GRID2: variants seen among roughly 807,000 people sequenced by gnomAD.
GRID2 encodes the protein glutamate receptor ionotropic, delta-2.
A neutral mutation model predicts 114.8 loss-of-function variants in GRID2; 33 were observed. That is an observed-to-expected ratio of 0.29 (90% CI 0.22 to 0.38). GRID2 has a LOEUF of 0.38. Ranked by LOEUF, GRID2 falls within the 10% of genes least tolerant of loss-of-function variation. The pLI, the probability that GRID2 is intolerant of heterozygous loss-of-function variation, is 1.00. For missense variants in GRID2, 1,184 were observed against 1,257.7 expected (o/e 0.94, Z 0.89); for synonymous variants, 505 against 449.9 (o/e 1.12, Z -1.55).
chr4:92,922,003 A>C (rs955169852), intron 2 of GRID2, among the ~76,000 whole-genome samples: 3 of 152,152 alleles, frequency 2.0e-5, no homozygotes, highest in African/African-American at 7.2e-5. Context: ...ACCCAGTTCA[A>C]GCTTCCTGGC....
chr4:93,027,131 T>A (rs1467609598), intron 2 of GRID2, among the ~76,000 whole-genome samples: 2 of 152,054 alleles, frequency 1.3e-5, no homozygotes, highest in Non-Finnish European at 2.9e-5. Context: ...TTTTGAACTA[T>A]ATGTGTGGAA....
intron 13 of GRID2, among the ~76,000 whole-genome samples, chr4:93,567,385 CA>C (rs1265736819): frequency 6.6e-6 from 1 of 152,112 alleles, no homozygotes; most frequent in African/African-American, 2.4e-5. Context: ...AACACTCGTA[CA>C]AATCAAAGCA....
chr4:93,211,963 A>C (rs1470449706), intron 5 of GRID2, among the ~76,000 whole-genome samples: 1 of 67,180 alleles, frequency 1.5e-5, no homozygotes, highest in Non-Finnish European at 2.4e-5. Context: ...TGCCTCAGAA[A>C]ATGACTTACA....
chr4:92,890,207 C>T (rs907427240), intron 2 of GRID2, among the ~76,000 whole-genome samples: 1 of 152,050 alleles, frequency 6.6e-6, no homozygotes, highest in African/African-American at 2.4e-5. Flanking sequence ...TAGGTGTGGG[C>T]AAAGATTTCA....
intron 2 of GRID2, among the ~76,000 whole-genome samples, chr4:92,729,569 G>A (rs374812857): frequency 1.3e-5 from 2 of 151,922 alleles, no homozygotes; most frequent in East Asian, 3.9e-4. Flanking sequence ...ACTGTTTAAT[G>A]CGCTAAAGCG....
chr4:92,781,152 A>C (rs1387911809), intron 2 of GRID2, among the ~76,000 whole-genome samples: 1 of 152,078 alleles, frequency 6.6e-6, no homozygotes, highest in Non-Finnish European at 1.5e-5. Flanking sequence ...AGGCTGAGGC[A>C]GAAGAATCGC....
intron 1 of GRID2, among the ~76,000 whole-genome samples, chr4:92,438,304 G>C (rs1047673860): frequency 2.6e-5 from 4 of 151,968 alleles, no homozygotes; most frequent in African/African-American, 9.7e-5. Flanking sequence ...GGGACAGTAT[G>C]ATGTATTTGT....
chr4:93,616,672 G>A (rs936328922), intron 13 of GRID2, among the ~76,000 whole-genome samples: 1 of 150,062 alleles, frequency 6.7e-6, no homozygotes, highest in Non-Finnish European at 1.5e-5. Flanking sequence ...ATTTACACTT[G>A]CAATGTCTAT....
intron 2 of GRID2, among the ~76,000 whole-genome samples, chr4:93,071,122 ACT>A (rs1728770953): frequency 1.3e-5 from 2 of 151,930 alleles, no homozygotes; most frequent in South Asian, 2.1e-4. Flanking sequence ...GATTCTTTCC[ACT>A]CTCTTCCTCA....
chr4:93,335,943 T>C (rs536440779), intron 8 of GRID2, among the ~76,000 whole-genome samples: 1 of 152,296 alleles, frequency 6.6e-6, no homozygotes, highest in Non-Finnish European at 1.5e-5. Context: ...CACATTGGCC[T>C]CCCAAAGTGC....
intron 3 of GRID2, among the ~76,000 whole-genome samples, chr4:93,089,674 A>G (rs1730612031): frequency 6.6e-6 from 1 of 152,114 alleles, no homozygotes; most frequent in Non-Finnish European, 1.5e-5. Flanking sequence ...TAGTCCCGGG[A>G]TATCTTACAG....
intron 8 of GRID2, among the ~76,000 whole-genome samples, chr4:93,381,777 G>C (rs557692710): frequency 3.9e-5 from 6 of 152,132 alleles, no homozygotes; most frequent in African/African-American, 1.4e-4. Context: ...TCAGTTTCTT[G>C]AATTAAACCA....
At chr4:93,690,269 T>C (rs1022257898) in intron 14 of GRID2, among the ~76,000 whole-genome samples, 1 of 151,952 alleles carries the variant, frequency 6.6e-6, no homozygotes, top group African/African-American at 2.4e-5. Context: ...TGCTAGGCTA[T>C]AAAAAACGCA....
intron 14 of GRID2, among the ~76,000 whole-genome samples, chr4:93,706,511 C>T (rs1578621394): frequency 1.3e-5 from 2 of 152,178 alleles, no homozygotes. Flanking sequence ...ATTGCTTTTT[C>T]AGATTGTTCA....
chr4:92,545,251 G>A (rs1726184447), intron 1 of GRID2, among the ~76,000 whole-genome samples: 1 of 152,128 alleles, frequency 6.6e-6, no homozygotes, highest in South Asian at 2.1e-4. Flanking sequence ...CAGAGGAAAT[G>A]AGGACTATTG....
rs569314396 is a variant in GRID2, at chr4:93,445,574, C to T, written c.1546-10088C>T. ...ATGTTTTGTTTTTATATTGGCCCAA[C>T]TTCCATGTTCAGCTAAATACACTAA... is the stretch of plus-strand genomic sequence containing the variant. On this transcript the variant is annotated intron_variant, in intron 10 of 15. Transcript: ENST00000282020. Among the ~76,000 whole-genome samples the T allele has an allele frequency of 9.9e-5, 15 of 152,060 alleles. No individual in the cohort carries two copies. In the South Asian group the frequency reaches 3.1e-3, roughly 31 times the overall value.
intron 13 of GRID2, among the ~76,000 whole-genome samples, chr4:93,623,965 T>G (rs910327089): frequency 2.0e-5 from 3 of 152,152 alleles, no homozygotes; most frequent in South Asian, 4.1e-4. Flanking sequence ...AAATGTCTTT[T>G]GTAATTATGC....
intron 2 of GRID2, among the ~76,000 whole-genome samples, chr4:92,953,674 G>A (rs1752184624): frequency 6.6e-6 from 1 of 151,976 alleles, no homozygotes; most frequent in Admixed American, 6.6e-5. Flanking sequence ...AATCCAACAG[G>A]AATCAATATG....
rs778056083 is a variant in GRID2 at position 92,347,580 on chromosome 4, G to GTCCTCTATAATA, written c.88+42836_88+42837insTCCTCTATAATA. 4.1e-3 allele frequency among the ~76,000 whole-genome samples: 617 copies of GTCCTCTATAATA among 152,120 alleles called. 1 individual carries two copies. The highest frequency in any genetic ancestry group is 6.1e-3 in the Non-Finnish European group (414 of 68,002). ...CAAATGAATATGGACCTTTATTTTG[G>GTCCTCTATAATA]GTAGAGGATTCTATTATATATTTGC... On this transcript the variant is annotated intron_variant, in intron 1 of 15. Transcript: ENST00000282020.
Sources: gnomAD v4.1 joint callset for allele counts (sites outside exome capture counted in the v4.1 genomes callset) on GRCh38, gnomAD v4.1.1 for gene constraint, MANE v1.5 for transcripts, NCBI Gene and HGNC (gene_info 2026-07-23, HGNC 2026-07-21) for gene names.